TRIM4: variants seen among roughly 807,000 people sequenced by gnomAD.
The protein encoded by TRIM4 is E3 ubiquitin-protein ligase TRIM4.
Under a neutral mutation model 33.7 loss-of-function variants are expected in TRIM4, and 29 were observed. The observed-to-expected ratio is 0.86, with a 90% CI of 0.64 to 1.17. The LOEUF (loss-of-function observed/expected upper bound fraction) is 1.17. Ranked by LOEUF, TRIM4 falls within the 50% of genes most tolerant of loss-of-function variation. TRIM4 has a pLI of 0.00. For missense variants in TRIM4, 554 were observed against 593.7 expected (o/e 0.93, Z 0.69); for synonymous variants, 224 against 233.0 (o/e 0.96, Z 0.35).
At chr7:99,901,533 T>C (rs541318911) in intron 5 of TRIM4, 1 of 152,336 alleles carries the variant, frequency 6.6e-6, no homozygotes, top group South Asian at 2.1e-4. Flanking sequence ...TATCCTGGGA[T>C]GCAGTTAAGT....
intron 5 of TRIM4, among the ~76,000 whole-genome samples, chr7:99,894,198 G>C (rs182180137): frequency 1.3e-5 from 2 of 152,262 alleles, no homozygotes; most frequent in East Asian, 3.9e-4. Flanking sequence ...GTTCATGAGA[G>C]ACATTGATGT....
At chr7:99,913,819 G>T (rs1819497279) in intron 1 of TRIM4, among the ~76,000 whole-genome samples, 1 of 152,282 alleles carries the variant, frequency 6.6e-6, no homozygotes, top group South Asian at 2.1e-4. Flanking sequence ...ACTGACTTGT[G>T]ATCATGTAGC....
intron 5 of TRIM4, among the ~76,000 whole-genome samples, chr7:99,900,145 A>C (rs933188087): frequency 3.3e-5 from 5 of 152,202 alleles, no homozygotes; most frequent in Non-Finnish European, 7.4e-5. Context: ...GACAAGTCCG[A>C]ATCTGCTGTG....
At chr7:99,903,191 G>T in intron 5 of TRIM4, 27 bp downstream of exon 5, 2 of 1,537,550 alleles carry the variant, frequency 1.3e-6, no homozygotes, top group Non-Finnish European at 8.9e-7. Flanking sequence ...TTTCTAAGGA[G>T]CCCCAAGTCC....
At chr7:99,910,910 C>G (rs925676323) in intron 1 of TRIM4, among the ~76,000 whole-genome samples, 3 of 152,194 alleles carry the variant, frequency 2.0e-5, no homozygotes, top group African/African-American at 7.2e-5. Flanking sequence ...CCCACAGGAA[C>G]TGATGATCAA....
At chr7:99,909,698 T>A in intron 1 of TRIM4, 38 bp from the exon 2 acceptor site, 3 of 1,158,188 alleles carry the variant, frequency 2.6e-6, no homozygotes, top group Non-Finnish European at 3.8e-6. Flanking sequence ...AAAACACATC[T>A]CCAACCATCA....
intron 5 of TRIM4, among the ~76,000 whole-genome samples, chr7:99,894,982 T>C (rs1192903278): frequency 6.6e-6 from 1 of 152,206 alleles, no homozygotes; most frequent in East Asian, 1.9e-4. Flanking sequence ...TGATTAAAGG[T>C]GTGTCAATTT....
At chr7:99,902,466 C>T (rs1458475515) in intron 5 of TRIM4, among the ~76,000 whole-genome samples, 2 of 152,036 alleles carry the variant, frequency 1.3e-5, no homozygotes, top group Non-Finnish European at 2.9e-5. Context: ...AGGCTGGTCT[C>T]GAACTCCTGA....
rs865958571 is a variant in TRIM4 at position 99,908,292 on chromosome 7, C to T, written c.720+290G>A. ...ATTGTTTAATAATTATAAATGTACA[C>T]ATAAGATGAATGAAAAAAATCTTAT... On this transcript the variant is annotated intron_variant, in intron 3 of 5. Coordinates refer to ENST00000349062, the MANE Select transcript of TRIM4 (RefSeq NM_033091.3). 2.0e-4 allele frequency: 61 copies of T among 300,648 alleles called. No homozygotes were observed. The Middle Eastern group carries it at 2.8e-3, about 14-fold the overall frequency. 18.6% of individuals were successfully genotyped at this position (300,648 alleles called of 1,614,324 possible).
chr7:99,910,756 T>A (rs1819422327), intron 1 of TRIM4, among the ~76,000 whole-genome samples: 1 of 152,216 alleles, frequency 6.6e-6, no homozygotes, highest in Non-Finnish European at 1.5e-5. Flanking sequence ...TTTTGTAATT[T>A]AAAAACCCGA....
At chr7:99,907,858 G>A (rs1360222724) in intron 3 of TRIM4, among the ~76,000 whole-genome samples, 6 of 152,150 alleles carry the variant, frequency 3.9e-5, no homozygotes, top group Admixed American at 3.9e-4. Flanking sequence ...CTTCATTCAC[G>A]TGATATGGAG....
chr7:99,913,486 G>C (rs761559474), intron 1 of TRIM4, among the ~76,000 whole-genome samples: 4 of 152,012 alleles, frequency 2.6e-5, no homozygotes, highest in Non-Finnish European at 5.9e-5. Flanking sequence ...GACCAACATG[G>C]TGAAACCCCG....
chr7:99,894,840 ATT>A (rs1818981979), intron 5 of TRIM4, among the ~76,000 whole-genome samples: 1 of 152,078 alleles, frequency 6.6e-6, no homozygotes, highest in African/African-American at 2.4e-5. Flanking sequence ...TTTCATCTAT[ATT>A]GTCAAGTTTA....
At chr7:99,899,503 G>C (rs1317451058) in intron 5 of TRIM4, among the ~76,000 whole-genome samples, 2 of 152,078 alleles carry the variant, frequency 1.3e-5, no homozygotes, top group Middle Eastern at 3.2e-3. Flanking sequence ...GTCAGTAGGG[G>C]ACTGGCACAA....
intron 4 of TRIM4, 78 bp downstream of exon 4, chr7:99,903,498 T>C: frequency 6.3e-7 from 1 of 1,581,210 alleles, no homozygotes; most frequent in Non-Finnish European, 8.7e-7. Flanking sequence ...CTATGGATCC[T>C]AGGCCTTGTT....
intron 1 of TRIM4, among the ~76,000 whole-genome samples, chr7:99,915,057 G>A (rs1193606841): frequency 3.9e-5 from 6 of 152,118 alleles, no homozygotes; most frequent in South Asian, 4.1e-4. Context: ...GGATCCTCGC[G>A]TCTCAGCCTC....
At chr7:99,918,702 T>C (rs771720064) in intron 1 of TRIM4, among the ~76,000 whole-genome samples, 30 of 152,188 alleles carry the variant, frequency 2.0e-4, no homozygotes, top group Non-Finnish European at 8.8e-5. Context: ...AAATTACATA[T>C]GTGGTTTCTA....
At chr7:99,893,703 A>G (rs1018265993) in intron 5 of TRIM4, among the ~76,000 whole-genome samples, 22 of 152,082 alleles carry the variant, frequency 1.4e-4, no homozygotes, top group Non-Finnish European at 7.4e-5. Flanking sequence ...GTTAGTCACC[A>G]AGTCCTACCA....
rs562312934 is a variant in TRIM4, at chr7:99,919,008, C to A, written c.393+1G>T. 2 of 1,589,112 alleles carry A rather than the reference C, an allele frequency of 1.3e-6. No individual in the cohort carries two copies. The highest frequency in any genetic ancestry group is 3.4e-5 in the Admixed American group (2 of 58,116). ...CATAGTCACCGCGACGGCCAGCTCA[C>A]CCGGTAGCTCTCGAAGGCCTCGTCG... On this transcript the variant is annotated splice_donor_variant, in intron 1 of 5. Transcript: ENST00000349062. LOFTEE classifies it high-confidence loss of function.
Sources: allele counts gnomAD v4.1 joint callset (sites outside exome capture counted in the v4.1 genomes callset), GRCh38; gene constraint gnomAD v4.1.1; transcripts MANE v1.5; gene names NCBI Gene and HGNC (gene_info 2026-07-23, HGNC 2026-07-21).